The following AGBL4 variants were observed in gnomAD, a reference collection of about 807,000 sequenced individuals.
AGBL4 encodes the protein cytosolic carboxypeptidase 6.
A neutral mutation model predicts 66.4 loss-of-function variants in AGBL4; 58 were observed. The ratio of observed to expected loss-of-function variants is 0.87; its 90% CI spans 0.71 to 1.09. The LOEUF is 1.09. Among genes scored for constraint, AGBL4 ranks in the 50% least tolerant of loss-of-function variants. The pLI is 0.00. For synonymous variants in AGBL4, 234 were observed against 222.9 expected (o/e 1.05, Z -0.44); for missense variants, 579 against 631.0 (o/e 0.92, Z 0.88).
chr1:48,591,104 A>ACC, intron 9 of AGBL4, 119 bp from the exon 10 acceptor site: 1 of 660,458 alleles, frequency 1.5e-6, no homozygotes, highest in Non-Finnish European at 2.2e-6. Flanking sequence ...CCCCCCACAC[A>ACC]CACACACACA....
At chr1:49,666,587 A>T (rs957865728) in intron 3 of AGBL4, among the ~76,000 whole-genome samples, 1 of 151,772 alleles carries the variant, frequency 6.6e-6, no homozygotes, top group African/African-American at 2.4e-5. Context: ...ATAAATAAAT[A>T]TATAAATAAA....
chr1:49,981,079 A>C (rs1659019597), intron 1 of AGBL4, among the ~76,000 whole-genome samples: 1 of 152,214 alleles, frequency 6.6e-6, no homozygotes, highest in South Asian at 2.1e-4. Context: ...TGAAGAAACA[A>C]AGTTGAATGC....
intron 3 of AGBL4, among the ~76,000 whole-genome samples, chr1:49,280,779 T>C (rs1570319787): frequency 6.6e-6 from 1 of 152,230 alleles, no homozygotes; most frequent in South Asian, 2.1e-4. Context: ...CGATCTAAAC[T>C]GTTTCATGTG....
intron 1 of AGBL4, among the ~76,000 whole-genome samples, chr1:49,868,635 A>G (rs767015699): frequency 6.6e-6 from 1 of 152,222 alleles, no homozygotes; most frequent in Non-Finnish European, 1.5e-5. Flanking sequence ...TGTAAAACGC[A>G]AAAGTATAAG....
chr1:48,735,388 G>A (rs1648862145), intron 6 of AGBL4, among the ~76,000 whole-genome samples: 1 of 151,934 alleles, frequency 6.6e-6, no homozygotes, highest in Non-Finnish European at 1.5e-5. Flanking sequence ...GATGGATGGA[G>A]GGAGGGTGGG....
At chr1:49,049,129 A>G (rs1425324936) in intron 4 of AGBL4, among the ~76,000 whole-genome samples, 2 of 152,014 alleles carry the variant, frequency 1.3e-5, no homozygotes, top group Admixed American at 6.6e-5. Flanking sequence ...TTTATATTCA[A>G]CTACTCATAA....
intron 2 of AGBL4, among the ~76,000 whole-genome samples, chr1:49,737,534 GGA>G (rs1414742760): frequency 6.6e-6 from 1 of 152,128 alleles, no homozygotes; most frequent in African/African-American, 2.4e-5. Flanking sequence ...ACTAGAGGTG[GGA>G]GAGAGAGACA....
rs574006929 is a variant in AGBL4, at chr1:49,237,626, A to T, written c.377+8144T>A. The stretch of plus-strand genomic sequence containing the variant: ...ACATTTACCAATTTGAGTGAGGTGT[A>T]GAAACTCTACCTTATTTTAAGTCCC... On this transcript the variant is annotated intron_variant, in intron 4 of 13. Transcript: ENST00000371839. 4.9e-5 allele frequency among the ~76,000 whole-genome samples: 7 copies of T among 142,316 alleles called. No homozygotes were observed. The East Asian group carries it at 1.6e-3, about 32-fold the overall frequency. 93.4% of individuals were successfully genotyped at this position (142,316 alleles called of 152,430 possible). A position where few individuals can be genotyped will look rare whatever the true frequency, so the allele number is the denominator to read the frequency against.
chr1:48,527,468 G>A, the AGBL4 span, among the ~76,000 whole-genome samples: 10 of 151,896 alleles, frequency 6.6e-5, no homozygotes, highest in East Asian at 1.6e-3. Flanking sequence ...GTGTTGGTGC[G>A]CGCCTGTAGT....
intron 3 of AGBL4, among the ~76,000 whole-genome samples, chr1:49,564,379 G>C (rs907324422): frequency 1.3e-5 from 2 of 152,086 alleles, no homozygotes; most frequent in African/African-American, 4.8e-5. Context: ...TGCTTCTCTA[G>C]TTCTTTTAAT....
In AGBL4 at chr1:48,539,654, AT is replaced by A; in HGVS notation, c.1351del (p.Met451CysfsTer9). 1 of 1,542,776 alleles carries A rather than the reference AT, an allele frequency of 6.5e-7. No individual in the cohort carries two copies. Among genetic ancestry groups the A allele is most frequent in the Non-Finnish European group, 8.8e-7 (1 of 1,141,570 alleles). On this transcript the variant is annotated frameshift_variant, in exon 12 of 14. Coordinates refer to ENST00000371839, the MANE Select transcript of AGBL4 (RefSeq NM_032785.4). LOFTEE classifies it high-confidence loss of function. The part of the protein sequence containing the change: ...NPVVEKVAIP[M>X]PRLRNKEIEV... ...CTCTGCCACTTACCGCAGTCTCGGCATGGGAATTGCCACCTTTTCAACCACG... is the reference window on the plus strand; with the variant it reads ...CTCTGCCACTTACCGCAGTCTCGGCAGGGAATTGCCACCTTTTCAACCACG...
intron 1 of AGBL4, among the ~76,000 whole-genome samples, chr1:49,875,912 G>T (rs1236648018): frequency 6.7e-6 from 1 of 149,688 alleles, no homozygotes; most frequent in Non-Finnish European, 1.5e-5. Context: ...GGCCAGTGAT[G>T]ATGAGCATTT....
At position 48,812,634 on chromosome 1, in the gene AGBL4, C is replaced by A. The variant is rs1312363558; in HGVS notation, c.634+54557G>T. 3.9e-5 allele frequency among the ~76,000 whole-genome samples: 6 copies of A among 152,196 alleles called. No individual in the cohort carries two copies. In the East Asian group the frequency reaches 1.2e-3, roughly 29 times the overall value. On this transcript the variant is annotated intron_variant, in intron 6 of 13. Coordinates refer to ENST00000371839, the MANE Select transcript of AGBL4 (RefSeq NM_032785.4). Reference sequence around the variant, plus strand: ...GGTATATACCCAAAGGATTATAAATCATGCTGCTATAAAGACACATGCACA... The same window carrying A: ...GGTATATACCCAAAGGATTATAAATAATGCTGCTATAAAGACACATGCACA...
chr1:49,710,552 C>T (rs1045396668), intron 2 of AGBL4, among the ~76,000 whole-genome samples: 5 of 151,680 alleles, frequency 3.3e-5, no homozygotes, highest in African/African-American at 7.3e-5. Flanking sequence ...TAAACCTGCA[C>T]GTTCTGCACA....
chr1:49,539,425 C>T lies in AGBL4; in HGVS notation c.282+157888G>A, dbSNP rs931812350. Among the ~76,000 whole-genome samples the T allele has an allele frequency of 3.3e-5, 5 of 152,070 alleles. No homozygotes were observed. In the South Asian group the frequency reaches 6.2e-4, roughly 19 times the overall value. ...TATGCAAGTTTTGTTTCCAGTAGTT[C>T]GGGAGCCAGCCTTCCACACACACAC... On this transcript the variant is annotated intron_variant, in intron 3 of 13. Coordinates refer to ENST00000371839, the MANE Select transcript of AGBL4 (RefSeq NM_032785.4).
intron 5 of AGBL4, among the ~76,000 whole-genome samples, chr1:48,993,079 G>A (rs1660734894): frequency 1.3e-5 from 2 of 152,090 alleles, no homozygotes; most frequent in Non-Finnish European, 2.9e-5. Flanking sequence ...ACCATAGATG[G>A]GAATGTCCTG....
intron 2 of AGBL4, among the ~76,000 whole-genome samples, chr1:49,782,678 A>T (rs560458135): frequency 6.6e-6 from 1 of 152,330 alleles, no homozygotes; most frequent in South Asian, 2.1e-4. Flanking sequence ...TAATTAGGCC[A>T]AGAGTGTGAA....
At chr1:49,831,512 G>C (rs1474214810) in intron 2 of AGBL4, among the ~76,000 whole-genome samples, 1 of 152,144 alleles carries the variant, frequency 6.6e-6, no homozygotes, top group Non-Finnish European at 1.5e-5. Context: ...ATTTGGGGCT[G>C]ACACAATGGG....
chr1:48,689,219 AAAAAG>A (rs1174074579), intron 6 of AGBL4, among the ~76,000 whole-genome samples: 8 of 141,582 alleles, frequency 5.7e-5, no homozygotes, highest in South Asian at 2.1e-4. Context: ...AAAAAAAAAA[AAAAAG>A]AAAAGAAAAG....
Sources: allele counts gnomAD v4.1 joint callset (sites outside exome capture counted in the v4.1 genomes callset), GRCh38; gene constraint gnomAD v4.1.1; transcripts MANE v1.5; gene names NCBI Gene and HGNC (gene_info 2026-07-23, HGNC 2026-07-21).